RPRD1A: variants seen among roughly 807,000 people sequenced by gnomAD.
The protein encoded by RPRD1A is regulation of nuclear pre-mRNA domain-containing protein 1A.
A neutral mutation model predicts 37.8 loss-of-function variants in RPRD1A; 9 were observed. That is an observed-to-expected ratio of 0.24 (90% CI 0.14 to 0.42). The LOEUF (loss-of-function observed/expected upper bound fraction) is 0.42. Ranked by LOEUF, RPRD1A falls within the 10% of genes least tolerant of loss-of-function variation. The pLI, the probability that RPRD1A is intolerant of heterozygous loss-of-function variation, is 1.00. For synonymous variants in RPRD1A, 138 were observed against 139.7 expected, an observed-to-expected ratio of 0.99 and a Z score of 0.08; for missense variants, 255 against 371.0, an observed-to-expected ratio of 0.69 and a Z score of 2.57.
intron 2 of RPRD1A, among the ~76,000 whole-genome samples, chr18:36,032,642 A>C (rs770126549): frequency 6.6e-6 from 1 of 152,260 alleles, no homozygotes; most frequent in Non-Finnish European, 1.5e-5. Context: ...GGTAACTAAA[A>C]GGGAAAGAAA....
In RPRD1A at chr18:36,000,119, G is replaced by A. The variant is rs141716804; in HGVS notation, c.790-6819C>T. ...AGGGCGTTTCTGAGACTGCAGATTA[G>A]TCAAGTCTGTTACCATCCCCAGGGG... On this transcript the variant is annotated intron_variant, in intron 6 of 6. Coordinates refer to ENST00000399022, the MANE Select transcript of RPRD1A (RefSeq NM_018170.5). Among the ~76,000 whole-genome samples the A allele has an allele frequency of 9.7e-4, 147 of 152,190 alleles. 1 individual carries two copies. The highest frequency in any genetic ancestry group is 3.3e-3 in the African/African-American group (139 of 41,526).
intron 6 of RPRD1A, among the ~76,000 whole-genome samples, chr18:35,993,534 G>A (rs1908838689): frequency 6.6e-6 from 1 of 152,196 alleles, no homozygotes; most frequent in South Asian, 2.1e-4. Flanking sequence ...GTAGAAAGAA[G>A]ACTAACATTA....
rs552506132 is a variant in RPRD1A at position 36,052,073 on chromosome 18, G to A, written c.151+15181C>T. Among the ~76,000 whole-genome samples the A allele has an allele frequency of 4.0e-5, 6 of 151,052 alleles. No homozygotes were observed. In the South Asian group the frequency reaches 6.3e-4, roughly 16 times the overall value. On this transcript the variant is annotated intron_variant, in intron 1 of 6. Transcript: ENST00000399022. ...CAACGAGAATCTTGAAAGCAGCAAGGAGTCTCAGTAAGATTAAAACCCAAT... is the reference window on the plus strand; with the variant it reads ...CAACGAGAATCTTGAAAGCAGCAAGAAGTCTCAGTAAGATTAAAACCCAAT...
At chr18:36,003,047 G>A (rs1402626894) in intron 6 of RPRD1A, among the ~76,000 whole-genome samples, 2 of 152,208 alleles carry the variant, frequency 1.3e-5, no homozygotes, top group Non-Finnish European at 2.9e-5. Flanking sequence ...CAAAGGTTCT[G>A]AAGATAGGTA....
Position 36,067,392 on chromosome 18 carries a change from A to G in RPRD1A, c.13T>C (p.Ser5Pro). 1 of 1,607,288 alleles carries G rather than the reference A, an allele frequency of 6.2e-7. No homozygotes were observed. The highest frequency in any genetic ancestry group is 8.5e-7 in the Non-Finnish European group (1 of 1,177,066). Residue 5 changes from serine to proline, a missense_variant, in exon 1 of 7, where the codon TCT (serine) becomes CCT (proline). Physicochemically the swap from Ser to Pro is moderately conservative, Grantham distance 74 (BLOSUM62 -1). Coordinates refer to ENST00000399022, the MANE Select transcript of RPRD1A (RefSeq NM_018170.5). ...AGCTTCTTCTCCAGCGCCGCCTCAGAGAAGGCTGACATCCCTCCGACACCA... is the reference window on the plus strand; with the variant it reads ...AGCTTCTTCTCCAGCGCCGCCTCAGGGAAGGCTGACATCCCTCCGACACCA... MSAFSEAALEKKLSE... is the reference protein window; with the variant it reads MSAFPEAALEKKLSE...
intron 6 of RPRD1A, among the ~76,000 whole-genome samples, chr18:36,014,072 T>A (rs917277777): frequency 6.6e-6 from 1 of 152,202 alleles, no homozygotes; most frequent in African/African-American, 2.4e-5. Flanking sequence ...CACACCTACA[T>A]ACACATACAT....
At chr18:36,038,873 G>C (rs1379441661) in intron 1 of RPRD1A, among the ~76,000 whole-genome samples, 2 of 152,140 alleles carry the variant, frequency 1.3e-5, no homozygotes, top group African/African-American at 4.8e-5. Flanking sequence ...TACCCCTCTT[G>C]TTTTGGCCAA....
chr18:36,050,417 T>C (rs145925439), intron 1 of RPRD1A, among the ~76,000 whole-genome samples: 1,868 of 152,182 alleles, frequency 0.012, 15 homozygotes, highest in Middle Eastern at 0.024. Context: ...AATTAATGAT[T>C]AGGTGCTACT....
chr18:36,017,303 A>AACACAC (rs149786300), intron 6 of RPRD1A, among the ~76,000 whole-genome samples: 3 of 151,710 alleles, frequency 2.0e-5, no homozygotes, highest in African/African-American at 7.2e-5. Flanking sequence ...CTTGTCTCAA[A>AACACAC]ACACACACAC....
chr18:36,026,846 C>A, intron 6 of RPRD1A, 54 bp downstream of exon 6: 1 of 1,498,624 alleles, frequency 6.7e-7, no homozygotes. Context: ...TTTAAAATTC[C>A]TAACAAAAAG....
intron 2 of RPRD1A, among the ~76,000 whole-genome samples, chr18:36,033,299 C>CCAAAAAAAAAAAAAAAAAAAAA (rs1348356259): frequency 5.3e-5 from 4 of 75,940 alleles, no homozygotes; most frequent in African/African-American, 2.3e-4. Flanking sequence ...GACTCTGTCT[C>CCAAAAAAAAAAAAAAAAAAAAA]AAAAAAAAAA....
At position 36,038,017 on chromosome 18, in the gene RPRD1A, T is replaced by C. The variant is rs182261218; in HGVS notation, c.152-4180A>G. On this transcript the variant is annotated intron_variant, in intron 1 of 6. Coordinates refer to ENST00000399022, the MANE Select transcript of RPRD1A (RefSeq NM_018170.5). Reference sequence around the variant, plus strand: ...AGATACGGTTTGGAATTGGAACTTATGTTTAAAAGAGAAATGGAACATAAA... The same window carrying C: ...AGATACGGTTTGGAATTGGAACTTACGTTTAAAAGAGAAATGGAACATAAA... Among the ~76,000 whole-genome samples, 20 of 152,304 alleles carry C rather than the reference T, an allele frequency of 1.3e-4. 1 individual carries two copies. The highest frequency in any genetic ancestry group is 4.1e-4 in the African/African-American group (17 of 41,568).
At chr18:36,011,655 TA>T (rs908740985) in intron 6 of RPRD1A, among the ~76,000 whole-genome samples, 12 of 152,154 alleles carry the variant, frequency 7.9e-5, no homozygotes, top group Non-Finnish European at 1.8e-4. Context: ...TGGCAGATGT[TA>T]AAAAAGAGAG....
intron 1 of RPRD1A, among the ~76,000 whole-genome samples, chr18:36,061,873 T>C (rs976481147): frequency 6.6e-6 from 1 of 152,144 alleles, no homozygotes; most frequent in Non-Finnish European, 1.5e-5. Flanking sequence ...TACATGAAAA[T>C]AGGCTCAGTG....
intron 4 of RPRD1A, among the ~76,000 whole-genome samples, chr18:36,030,095 T>C (rs904727160): frequency 1.6e-4 from 24 of 150,350 alleles, no homozygotes; most frequent in African/African-American, 7.3e-5. Context: ...CGTGAGCCAC[T>C]GCGCCCGGCC....
chr18:36,056,728 AC>A (rs1209462474), intron 1 of RPRD1A, among the ~76,000 whole-genome samples: 2 of 152,220 alleles, frequency 1.3e-5, no homozygotes, highest in Non-Finnish European at 2.9e-5. Context: ...TATTACAGAT[AC>A]AAAGAAGAAA....
intron 6 of RPRD1A, among the ~76,000 whole-genome samples, chr18:35,995,860 T>G (rs185023983): frequency 6.6e-6 from 1 of 152,208 alleles, no homozygotes; most frequent in Admixed American, 6.5e-5. Flanking sequence ...GCATTCTCCC[T>G]CTATGGTCTT....
intron 1 of RPRD1A, among the ~76,000 whole-genome samples, chr18:36,039,191 T>C (rs1045594646): frequency 2.0e-5 from 3 of 152,104 alleles, no homozygotes; most frequent in Non-Finnish European, 2.9e-5. Flanking sequence ...AATCTCCACA[T>C]GTCAGGGGAG....
intron 6 of RPRD1A, among the ~76,000 whole-genome samples, chr18:35,994,452 C>G (rs1908901895): frequency 6.6e-6 from 1 of 152,130 alleles, no homozygotes; most frequent in African/African-American, 2.4e-5. Context: ...ACCTTAATGT[C>G]AAAGACTAAA....
Sources: allele counts gnomAD v4.1 joint callset (sites outside exome capture counted in the v4.1 genomes callset), GRCh38; gene constraint gnomAD v4.1.1; transcripts MANE v1.5; gene names NCBI Gene and HGNC (gene_info 2026-07-23, HGNC 2026-07-21).